HEATR1: variants seen among roughly 807,000 people sequenced by gnomAD.
HEATR1 encodes the protein HEAT repeat-containing protein 1.
In HEATR1, 77 loss-of-function variants were observed where a neutral mutation model predicts 248.2. The ratio of observed to expected loss-of-function variants is 0.31; its 90% CI spans 0.26 to 0.37. The LOEUF is 0.37. HEATR1 is among the 10% of genes least tolerant of loss of function. The pLI is 1.00. For synonymous variants in HEATR1, 897 were observed against 923.1 expected (o/e 0.97, Z 0.51); for missense variants, 2,420 against 2,504.9 (o/e 0.97, Z 0.72).
chr1:236,576,501 A>T, intron 21 of HEATR1, 124 bp from the exon 22 acceptor site: 1 of 794,328 alleles, frequency 1.3e-6, no homozygotes, highest in Non-Finnish European at 1.9e-6. Context: ...ATTTCTCCTT[A>T]AAACCTTAAT....
At chr1:236,578,511 A>G (rs1663625432) in intron 20 of HEATR1, among the ~76,000 whole-genome samples, 1 of 152,146 alleles carries the variant, frequency 6.6e-6, no homozygotes, top group African/African-American at 2.4e-5. Flanking sequence ...AGGATTACTG[A>G]TTTTTGGCTA....
In HEATR1 at chr1:236,571,590, T is replaced by C. The variant is rs777381042; in HGVS notation, c.3804A>G (p.Pro1268=). The C allele has an allele frequency of 6.2e-7, 1 of 1,614,038 alleles. No homozygotes were observed. Among genetic ancestry groups the C allele is most frequent in the South Asian group, 1.1e-5 (1 of 91,064 alleles). The change falls in exon 27 of 45, where the codon CCA becomes CCG. Residue 1268 remains proline (P), a synonymous_variant. Coordinates refer to ENST00000366582, the MANE Select transcript of HEATR1 (RefSeq NM_018072.6). The part of the protein sequence containing the change: ...CLLNICQKLS[P]DGGKIPKDIL... Reference sequence around the variant, plus strand: ...TACCTTTGGGTATTTTGCCACCATCTGGAGATAGTTTTTGGCAGATGTTGA... The same window carrying C: ...TACCTTTGGGTATTTTGCCACCATCCGGAGATAGTTTTTGGCAGATGTTGA...
chr1:236,572,244 C>G (rs555055097), intron 26 of HEATR1, among the ~76,000 whole-genome samples, 167 bp downstream of exon 26: 1 of 152,234 alleles, frequency 6.6e-6, no homozygotes, highest in South Asian at 2.1e-4. Flanking sequence ...CAGTTTGGGG[C>G]ACCAGCAATG....
intron 14 of HEATR1, 32 bp from the exon 15 acceptor site, chr1:236,586,484 G>C (rs969045712): frequency 2.0e-6 from 3 of 1,508,170 alleles, no homozygotes; most frequent in African/African-American, 2.8e-5. Flanking sequence ...TTGGTTGAAA[G>C]ACACATTGGA....
At chr1:236,560,235 C>G (rs570579260) in intron 33 of HEATR1, among the ~76,000 whole-genome samples, 3 of 151,748 alleles carry the variant, frequency 2.0e-5, no homozygotes, top group Admixed American at 2.0e-4. Flanking sequence ...GGCACACACA[C>G]GCACACATAC....
Position 236,556,268 on chromosome 1 carries a change from T to C in HEATR1, c.5356-10A>G. On this transcript the variant is annotated splice_polypyrimidine_tract_variant and intron_variant, in intron 37 of 44. Coordinates refer to ENST00000366582, the MANE Select transcript of HEATR1 (RefSeq NM_018072.6). ...TCTCCAGATGAATCACCTACAGGAA[T>C]ATAAAAAAAGTGATCAGGGCCACTG... 2.5e-6 allele frequency: 4 copies of C among 1,613,410 alleles called. No homozygotes were observed. The highest frequency in any genetic ancestry group is 3.4e-6 in the Non-Finnish European group (4 of 1,179,722).
chr1:236,585,796 G>A (rs754649074), intron 16 of HEATR1, 24 bp downstream of exon 16: 21 of 1,606,696 alleles, frequency 1.3e-5, no homozygotes, highest in Admixed American at 1.7e-5. Context: ...AAATCCAGGG[G>A]GTGGACTTTC....
intron 29 of HEATR1, 84 bp downstream of exon 29, chr1:236,568,912 T>TAAAAA (rs372056226): frequency 1.5e-6 from 1 of 660,362 alleles, no homozygotes; most frequent in African/African-American, 2.2e-5. Flanking sequence ...AAAAAAAAAC[T>TAAAAA]AAAAAAAAGG....
chr1:236,588,084 A>G, intron 12 of HEATR1, 41 bp from the exon 13 acceptor site: 1 of 1,481,552 alleles, frequency 6.7e-7, no homozygotes, highest in South Asian at 1.2e-5. Flanking sequence ...CTGTTGCCAA[A>G]AATCTCTTAA....
At chr1:236,590,677 G>A (rs1422634457) in intron 12 of HEATR1, among the ~76,000 whole-genome samples, 170 bp downstream of exon 12, 1 of 152,140 alleles carries the variant, frequency 6.6e-6, no homozygotes, top group Non-Finnish European at 1.5e-5. Flanking sequence ...TGTTAAAATG[G>A]GGACAACTGG....
At chr1:236,604,150 A>G (rs1046448913) in intron 1 of HEATR1, 23 bp from the exon 2 acceptor site, 11 of 1,513,350 alleles carry the variant, frequency 7.3e-6, no homozygotes, top group African/African-American at 5.7e-5. Context: ...AAGCACTTTG[A>G]TAAGTTTCTA....
intron 30 of HEATR1, 50 bp downstream of exon 30, chr1:236,566,596 T>C (rs917589724): frequency 4.6e-6 from 6 of 1,318,608 alleles, no homozygotes; most frequent in Middle Eastern, 3.6e-4. Flanking sequence ...TATCATAAAA[T>C]CTGTGTGAGA....
chr1:236,572,937 C>T (rs1445643421), intron 24 of HEATR1, 109 bp from the exon 25 acceptor site: 3 of 989,646 alleles, frequency 3.0e-6, no homozygotes, highest in African/African-American at 3.2e-5. Context: ...GGAAGAATGA[C>T]TTACTGGATA....
chr1:236,600,123 T>A (rs958793960), intron 3 of HEATR1, among the ~76,000 whole-genome samples: 5 of 108,976 alleles, frequency 4.6e-5, no homozygotes, highest in Admixed American at 1.8e-4. Flanking sequence ...TCAACATTTT[T>A]TTTTTTTTTT....
Position 236,587,423 on chromosome 1 carries a change from TCTG to T in HEATR1, c.1691_1693del (p.Ala564del), listed in dbSNP as rs1663924220. ...ATACCATTCTCCATTCTTTGAAAGTTCTGCTCTTTGAAAGAGATTCAGAAGATT... is the reference window on the plus strand; with the variant it reads ...ATACCATTCTCCATTCTTTGAAAGTTCTCTTTGAAAGAGATTCAGAAGATT... On this transcript the variant is annotated inframe_deletion, in exon 14 of 45. Coordinates refer to ENST00000366582, the MANE Select transcript of HEATR1 (RefSeq NM_018072.6). 5.2e-6 allele frequency: 8 copies of T among 1,528,508 alleles called. No individual in the cohort carries two copies. The East Asian group carries it at 1.9e-4, about 36-fold the overall frequency. The allele number at this position is 1,528,508 out of a possible 1,614,324, so 94.7% of individuals were successfully genotyped here.
chr1:236,570,906 T>C (rs911503191), intron 28 of HEATR1, among the ~76,000 whole-genome samples: 1 of 152,198 alleles, frequency 6.6e-6, no homozygotes, highest in African/African-American at 2.4e-5. Context: ...ATATTTTTCA[T>C]AAAAGGGACA....
At chr1:236,574,622 G>T in intron 23 of HEATR1, 39 bp downstream of exon 23, 3 of 1,572,240 alleles carry the variant, frequency 1.9e-6, no homozygotes, top group South Asian at 2.4e-5. Context: ...TTAAATGCTT[G>T]AACATGCTAT....
intron 28 of HEATR1, 25 bp from the exon 29 acceptor site, chr1:236,569,149 A>AT: frequency 6.5e-7 from 1 of 1,535,938 alleles, no homozygotes; most frequent in South Asian, 1.2e-5. Flanking sequence ...AACTATCAAC[A>AT]TTTTTTATTT....
Position 236,586,330 on chromosome 1 carries a change from T to C in HEATR1, c.1838A>G (p.Asp613Gly). The change falls in exon 15 of 45, where the codon GAT (aspartate) becomes GGT (glycine). Residue 613 changes from aspartate to glycine, a missense_variant. Asp to Gly is a moderately conservative substitution (Grantham distance 94, BLOSUM62 -1). Coordinates refer to ENST00000366582, the MANE Select transcript of HEATR1 (RefSeq NM_018072.6). ...LLPFMVINNDDTESAEMKIAI... is the reference protein window; with the variant it reads ...LLPFMVINNDGTESAEMKIAI... ...AATTTTCATCTCAGCAGATTCCGTA[T>C]CATCATTATTGATAACCATAAATGG... The C allele has an allele frequency of 6.2e-7, 1 of 1,613,384 alleles. No individual in the cohort carries two copies. The highest frequency in any genetic ancestry group is 8.5e-7 in the Non-Finnish European group (1 of 1,179,400).
Sources: gnomAD v4.1 joint callset for allele counts (sites outside exome capture counted in the v4.1 genomes callset) on GRCh38, gnomAD v4.1.1 for gene constraint, MANE v1.5 for transcripts, NCBI Gene and HGNC (gene_info 2026-07-23, HGNC 2026-07-21) for gene names.